DCAF8L2: variants seen among roughly 807,000 people sequenced by gnomAD.
DCAF8L2 encodes the protein DDB1- and CUL4-associated factor 8-like protein 2.
For missense variants in DCAF8L2, 430 were observed against 490.7 expected, an observed-to-expected ratio of 0.88 and a Z score of 1.17; for synonymous variants, 200 against 190.9, an observed-to-expected ratio of 1.05 and a Z score of -0.39.
intron 3 of DCAF8L2, among the ~76,000 whole-genome samples, chrX:27,711,397 ACG>A (rs1491196416): frequency 1.0e-4 from 8 of 76,662 alleles, no homozygotes; most frequent in African/African-American, 3.5e-4. Context: ...GTGTGTGTGT[ACG>A]TGTGTGTGTG....
chrX:27,574,139 G>T, the DCAF8L2 span, among the ~76,000 whole-genome samples: 5 of 110,532 alleles, frequency 4.5e-5, no homozygotes, highest in South Asian at 2.0e-3. Context: ...TGGCTTCAGT[G>T]GGCTTCCTGA....
intron 3 of DCAF8L2, among the ~76,000 whole-genome samples, chrX:27,704,233 C>G (rs1476641845): frequency 1.1e-5 from 1 of 87,386 alleles, no homozygotes; most frequent in Admixed American, 1.2e-4. Flanking sequence ...TGTGCGTGTA[C>G]ACACGTGCGC....
intron 2 of DCAF8L2, among the ~76,000 whole-genome samples, chrX:27,635,786 C>CGTGTGTGTGTGTGTGT (rs754830405): frequency 8.8e-5 from 8 of 90,409 alleles, no homozygotes; most frequent in African/African-American, 3.4e-4. Flanking sequence ...TTTCCTTTTA[C>CGTGTGTGTGTGTGTGT]GTGTGTGTGT....
At chrX:27,593,091 G>A (rs190958873) in intron 1 of DCAF8L2, among the ~76,000 whole-genome samples, 1 of 111,857 alleles carries the variant, frequency 8.9e-6, no homozygotes, top group East Asian at 2.8e-4. Flanking sequence ...GAGCCACCGT[G>A]CCCAGCCATC....
In DCAF8L2 at chrX:27,749,171, C is replaced by T. The variant is rs1235831887; in HGVS notation, c.*380C>T. 1.8e-5 allele frequency among the ~76,000 whole-genome samples: 2 copies of T among 111,837 alleles called. No homozygotes were observed. Among genetic ancestry groups the T allele is most frequent in the Admixed American group, 9.6e-5 (1 of 10,465 alleles). On this transcript the variant is annotated 3_prime_UTR_variant, in exon 5 of 5. Transcript: ENST00000451261. Reference sequence around the variant, plus strand: ...CTACTCAAATCTGACAGTCTGAAAACGGTTACCTTTTTACTTTTTTTCATC... The same window carrying T: ...CTACTCAAATCTGACAGTCTGAAAATGGTTACCTTTTTACTTTTTTTCATC...
chrX:27,662,463 AAGAG>A (rs1435203773), intron 2 of DCAF8L2, among the ~76,000 whole-genome samples: 1 of 111,857 alleles, frequency 8.9e-6, no homozygotes, highest in Admixed American at 9.5e-5. Flanking sequence ...TTTCTTTCAA[AAGAG>A]AGATAACATT....
intron 2 of DCAF8L2, among the ~76,000 whole-genome samples, chrX:27,653,474 C>T (rs1329717475): frequency 9.0e-6 from 1 of 110,964 alleles, no homozygotes; most frequent in Admixed American, 9.7e-5. Flanking sequence ...AGTCACCCCC[C>T]AAGTAGCTTC....
chrX:27,592,684 G>A (rs1052279987), intron 1 of DCAF8L2, among the ~76,000 whole-genome samples: 8 of 110,628 alleles, frequency 7.2e-5, no homozygotes, highest in South Asian at 3.8e-4. Context: ...TGATCTGCCC[G>A]CCTCAGCCTC....
the DCAF8L2 span, among the ~76,000 whole-genome samples, chrX:27,471,811 A>G: frequency 6.3e-5 from 7 of 111,751 alleles, no homozygotes; most frequent in Admixed American, 1.9e-4. Context: ...TCTGCATTGC[A>G]TTATCTAGAA....
the DCAF8L2 span, among the ~76,000 whole-genome samples, chrX:27,569,101 G>A: frequency 8.1e-4 from 90 of 110,781 alleles, 1 homozygote; most frequent in African/African-American, 2.6e-3. Context: ...CATTGTGTTA[G>A]GGATTCAAAG....
chrX:27,611,892 T>A (rs754119205), intron 1 of DCAF8L2, among the ~76,000 whole-genome samples: 1 of 111,493 alleles, frequency 9.0e-6, no homozygotes, highest in East Asian at 2.8e-4. Context: ...TGAATAGTGC[T>A]GCAATAAACA....
rs1165502969 is a variant in DCAF8L2, at chrX:27,724,960, G to C, written c.-59+8789G>C. On this transcript the variant is annotated intron_variant, in intron 4 of 4. Coordinates refer to ENST00000451261, the MANE Select transcript of DCAF8L2 (RefSeq NM_001353450.2). ...CCGTTTCTGAGAAAACGGACTAACA[G>C]CTTGAATATTTAAACATATTTGACT... Among the ~76,000 whole-genome samples, 3 of 110,976 alleles carry C rather than the reference G, an allele frequency of 2.7e-5. No individual in the cohort carries two copies. In the East Asian group the frequency reaches 8.3e-4, roughly 31 times the overall value.
the DCAF8L2 span, among the ~76,000 whole-genome samples, chrX:27,549,184 T>C: frequency 0.096 from 10,666 of 111,344 alleles, 408 homozygotes; most frequent in Non-Finnish European, 0.12. Context: ...AAATATCCCT[T>C]TATTTTATTC....
the DCAF8L2 span, among the ~76,000 whole-genome samples, chrX:27,534,381 A>C: frequency 8.9e-6 from 1 of 111,822 alleles, no homozygotes; most frequent in Non-Finnish European, 1.9e-5. Flanking sequence ...AAATATGTAG[A>C]TAGATACATA....
chrX:27,622,382 G>A (rs749455059), intron 1 of DCAF8L2, among the ~76,000 whole-genome samples: 2 of 106,727 alleles, frequency 1.9e-5, no homozygotes, highest in South Asian at 4.0e-4. Context: ...CCGAGATCGC[G>A]CCACTGCACT....
the DCAF8L2 span, among the ~76,000 whole-genome samples, chrX:27,578,359 T>G: frequency 2.4e-4 from 27 of 111,925 alleles, no homozygotes; most frequent in South Asian, 7.4e-4. Context: ...GCTAGCCATA[T>G]GCAGAAAATT....
chrX:27,568,571 A>G, the DCAF8L2 span, among the ~76,000 whole-genome samples: 9 of 111,077 alleles, frequency 8.1e-5, no homozygotes, highest in African/African-American at 2.6e-4. Flanking sequence ...TGGATTTTTA[A>G]TTTCAATGTC....
chrX:27,613,458 G>A (rs1292828399), intron 1 of DCAF8L2, among the ~76,000 whole-genome samples: 3 of 111,108 alleles, frequency 2.7e-5, no homozygotes, highest in African/African-American at 9.8e-5. Context: ...TCTGCTGCCT[G>A]ATTGCCCTGG....
chrX:27,516,674 G>T, the DCAF8L2 span, among the ~76,000 whole-genome samples: 1 of 111,383 alleles, frequency 9.0e-6, no homozygotes, highest in Non-Finnish European at 1.9e-5. Flanking sequence ...GAGGGAAAAT[G>T]AAATTTCAAA....
Sources: gnomAD v4.1 joint callset for allele counts (sites outside exome capture counted in the v4.1 genomes callset) on GRCh38, gnomAD v4.1.1 for gene constraint, MANE v1.5 for transcripts, NCBI Gene and HGNC (gene_info 2026-07-23, HGNC 2026-07-21) for gene names.